BCKDHB: variants seen among roughly 807,000 people sequenced by gnomAD.
BCKDHB encodes the protein 2-oxoisovalerate dehydrogenase subunit beta, mitochondrial.
In BCKDHB, 41 loss-of-function variants were observed where a neutral mutation model predicts 48.5. The observed-to-expected ratio is 0.85, with a 90% CI of 0.66 to 1.10. The LOEUF is 1.10. Ranked by LOEUF, BCKDHB falls within the 50% of genes least tolerant of loss-of-function variation. The pLI, the probability that BCKDHB is intolerant of heterozygous loss-of-function variation, is 0.00. For synonymous variants in BCKDHB, 201 were observed against 174.8 expected (o/e 1.15, Z -1.18); for missense variants, 496 against 494.2 (o/e 1.00, Z -0.03).
intron 6 of BCKDHB, among the ~76,000 whole-genome samples, chr6:80,188,624 G>A (rs1027857584): frequency 6.6e-6 from 1 of 151,738 alleles, no homozygotes; most frequent in Non-Finnish European, 1.5e-5. Flanking sequence ...TGGGCGATAG[G>A]GTGACACCCT....
intron 1 of BCKDHB, among the ~76,000 whole-genome samples, chr6:80,121,925 G>A (rs894526972): frequency 2.0e-5 from 3 of 152,242 alleles, no homozygotes; most frequent in East Asian, 1.9e-4. Flanking sequence ...TCCTTGTCTC[G>A]TGCCAGTTTT....
At chr6:80,336,018 C>T (rs946631257) in intron 9 of BCKDHB, among the ~76,000 whole-genome samples, 1 of 151,938 alleles carries the variant, frequency 6.6e-6, no homozygotes, top group Admixed American at 6.6e-5. Context: ...TTATAAATTA[C>T]AGAAATGAGT....
At chr6:80,164,937 C>T (rs531728940) in intron 3 of BCKDHB, among the ~76,000 whole-genome samples, 36 of 152,258 alleles carry the variant, frequency 2.4e-4, no homozygotes, top group African/African-American at 7.9e-4. Context: ...AAATAGAAAC[C>T]GATTTTTAAC....
intron 9 of BCKDHB, among the ~76,000 whole-genome samples, chr6:80,296,465 A>G (rs1179607048): frequency 1.3e-5 from 2 of 152,222 alleles, no homozygotes; most frequent in African/African-American, 4.8e-5. Context: ...ATATTTATAC[A>G]AATACAGTCC....
At chr6:80,421,424 G>T in the BCKDHB span, among the ~76,000 whole-genome samples, 1 of 152,178 alleles carries the variant, frequency 6.6e-6, no homozygotes, top group Non-Finnish European at 1.5e-5. Flanking sequence ...GTGGGGCACT[G>T]CTATAAAGAT....
intron 6 of BCKDHB, among the ~76,000 whole-genome samples, chr6:80,181,356 ATATT>A (rs1323876514): frequency 6.6e-6 from 1 of 152,146 alleles, no homozygotes; most frequent in Non-Finnish European, 1.5e-5. Flanking sequence ...TTTCTTAAAA[ATATT>A]TATTTTTCTC....
chr6:80,238,783 A>T (rs1776253765), intron 8 of BCKDHB, among the ~76,000 whole-genome samples: 1 of 151,700 alleles, frequency 6.6e-6, no homozygotes, highest in South Asian at 2.1e-4. Context: ...CCAGTGTGTG[A>T]TGTTCCCCAC....
chr6:80,126,503 G>C (rs1770347119), intron 1 of BCKDHB, among the ~76,000 whole-genome samples: 1 of 152,144 alleles, frequency 6.6e-6, no homozygotes, highest in Admixed American at 6.6e-5. Flanking sequence ...CTAATGAATA[G>C]CATGGAGGTT....
chr6:80,398,152 A>G, the BCKDHB span, among the ~76,000 whole-genome samples: 6 of 148,558 alleles, frequency 4.0e-5, no homozygotes, highest in Non-Finnish European at 5.9e-5. Context: ...TAACAATCTA[A>G]CATCACAACT....
At chr6:80,340,431 C>T (rs1235441144) in intron 9 of BCKDHB, among the ~76,000 whole-genome samples, 4 of 152,156 alleles carry the variant, frequency 2.6e-5, no homozygotes, top group Non-Finnish European at 2.9e-5. Context: ...TATTGTTCCA[C>T]GTGAACTGAG....
chr6:80,278,751 G>T (rs962451549), intron 9 of BCKDHB, among the ~76,000 whole-genome samples: 3 of 152,060 alleles, frequency 2.0e-5, no homozygotes, highest in African/African-American at 4.8e-5. Context: ...TAGGCACGAG[G>T]TTTCACCATC....
chr6:80,282,175 C>A (rs1766359704), intron 9 of BCKDHB, among the ~76,000 whole-genome samples: 1 of 152,038 alleles, frequency 6.6e-6, no homozygotes, highest in African/African-American at 2.4e-5. Flanking sequence ...AGTTTTATAA[C>A]TATAGCCAGC....
chr6:80,382,125 C>G, the BCKDHB span, among the ~76,000 whole-genome samples: 1 of 152,084 alleles, frequency 6.6e-6, no homozygotes, highest in African/African-American at 2.4e-5. Context: ...CTTGATGCAT[C>G]CATCTTTGAC....
chr6:80,410,639 A>T, the BCKDHB span, among the ~76,000 whole-genome samples: 2 of 152,038 alleles, frequency 1.3e-5, no homozygotes, highest in African/African-American at 4.8e-5. Context: ...GGCTTTGTTC[A>T]TTTCTTTCTA....
At chr6:80,338,270 C>T (rs1239129719) in intron 9 of BCKDHB, among the ~76,000 whole-genome samples, 2 of 152,170 alleles carry the variant, frequency 1.3e-5, no homozygotes, top group African/African-American at 2.4e-5. Flanking sequence ...AGTGTGTATA[C>T]GTTCATTACA....
the BCKDHB span, among the ~76,000 whole-genome samples, chr6:80,364,960 C>T: frequency 3.9e-5 from 6 of 152,260 alleles, no homozygotes; most frequent in East Asian, 1.2e-3. Flanking sequence ...CATATCAGTA[C>T]ACCCGTGATG....
intron 8 of BCKDHB, among the ~76,000 whole-genome samples, chr6:80,205,378 G>A (rs983172698): frequency 1.3e-5 from 2 of 151,684 alleles, no homozygotes; most frequent in Non-Finnish European, 2.9e-5. Context: ...AGTTTTATTC[G>A]TTGTGTGTCA....
intron 5 of BCKDHB, among the ~76,000 whole-genome samples, chr6:80,169,563 C>A (rs3805926): frequency 2.4e-4 from 36 of 151,918 alleles, no homozygotes; most frequent in Middle Eastern, 3.4e-3. Context: ...GAAGCATCTC[C>A]TTTTTATAAC....
At chr6:80,343,635 G>A (rs1770033255) in intron 9 of BCKDHB, 29 bp from the exon 10 acceptor site, 1 of 1,613,428 alleles carries the variant, frequency 6.2e-7, no homozygotes, top group African/African-American at 1.3e-5. Context: ...AAAAATTCTT[G>A]AAGTTAAGCA....
Sources: allele counts gnomAD v4.1 joint callset (sites outside exome capture counted in the v4.1 genomes callset), GRCh38; gene constraint gnomAD v4.1.1; transcripts MANE v1.5; gene names NCBI Gene and HGNC (gene_info 2026-07-23, HGNC 2026-07-21).